PTK7: variants seen among roughly 807,000 people sequenced by gnomAD.
PTK7 encodes the protein inactive tyrosine-protein kinase 7.
Under a neutral mutation model 116.6 loss-of-function variants are expected in PTK7, and 39 were observed. That is an observed-to-expected ratio of 0.33 (90% CI 0.26 to 0.44). The LOEUF (loss-of-function observed/expected upper bound fraction) is 0.44, where lower values mean the gene tolerates loss of function less well. Among genes scored for constraint, PTK7 ranks in the 20% least tolerant of loss-of-function variants. The pLI is 1.00. For synonymous variants in PTK7, 546 were observed against 563.6 expected (o/e 0.97, Z 0.44); for missense variants, 1,169 against 1,425.6 (o/e 0.82, Z 2.90).
At chr6:43,153,690 C>G (rs1771259636) in intron 17 of PTK7, among the ~76,000 whole-genome samples, 1 of 152,096 alleles carries the variant, frequency 6.6e-6, no homozygotes, top group Non-Finnish European at 1.5e-5. Flanking sequence ...GAATTACAGG[C>G]CAGCAATAGC....
chr6:43,108,589 A>G (rs897895044), intron 1 of PTK7, among the ~76,000 whole-genome samples: 1 of 151,614 alleles, frequency 6.6e-6, no homozygotes, highest in South Asian at 2.1e-4. Flanking sequence ...TTTTGTAGAG[A>G]CGGGGTTTTA....
chr6:43,112,286 A>AGAGGGACAGAGG (rs1768236397), intron 1 of PTK7, among the ~76,000 whole-genome samples: 1 of 149,956 alleles, frequency 6.7e-6, no homozygotes, highest in South Asian at 2.1e-4. Context: ...TTATTTATTT[A>AGAGGGACAGAGG]GAGACGTAGT....
chr6:43,126,918 C>T (rs1329683381), intron 1 of PTK7, among the ~76,000 whole-genome samples: 1 of 152,208 alleles, frequency 6.6e-6, no homozygotes. Context: ...GGAGCTGCTT[C>T]CAGCTCCATG....
At chr6:43,094,942 G>T (rs1767158984) in intron 1 of PTK7, among the ~76,000 whole-genome samples, 1 of 151,848 alleles carries the variant, frequency 6.6e-6, no homozygotes, top group Non-Finnish European at 1.5e-5. Flanking sequence ...CTACTTGGGA[G>T]GCTGAGATAG....
At chr6:43,107,430 G>C (rs1028458547) in intron 1 of PTK7, among the ~76,000 whole-genome samples, 5 of 152,124 alleles carry the variant, frequency 3.3e-5, no homozygotes, top group East Asian at 1.9e-4. Flanking sequence ...TCTTTGTCTC[G>C]TTTCCTTATC....
intron 1 of PTK7, among the ~76,000 whole-genome samples, chr6:43,117,934 C>CAA (rs59457900): frequency 6.0e-5 from 7 of 116,694 alleles, no homozygotes; most frequent in African/African-American, 1.9e-4. Flanking sequence ...AAACTCTGTC[C>CAA]AAAAAAAAAA....
chr6:43,144,722 G>A, intron 15 of PTK7, 116 bp downstream of exon 15: 3 of 1,293,298 alleles, frequency 2.3e-6, no homozygotes, highest in Admixed American at 5.1e-5. Flanking sequence ...TAGAGGTGGA[G>A]GGAAGCATAG....
chr6:43,142,207 A>G lies in PTK7; in HGVS notation c.1955A>G (p.His652Arg), dbSNP rs1770459843. 1.2e-6 allele frequency: 2 copies of G among 1,614,034 alleles called. No individual in the cohort carries two copies. Among genetic ancestry groups the G allele is most frequent in the Non-Finnish European group, 1.7e-6 (2 of 1,180,012 alleles). ...TTCCAGAATGGCTCCCTGGTGATCC[A>G]TGACGTGGCCCCTGAGGACTCAGGC... is the stretch of plus-strand genomic sequence containing the variant. ...HIFQNGSLVI[H>R]DVAPEDSGRY... The change falls in exon 13 of 20, where the codon CAT (histidine) becomes CGT (arginine). Residue 652 changes from histidine to arginine, a missense_variant. Around this residue, in one of 3 missense-constraint regions of PTK7, gnomAD observed 678 missense variants for 853.8 expected, o/e 0.79. Transcript: ENST00000230419.
At chr6:43,118,749 A>ATGTGTG (rs58128834) in intron 1 of PTK7, among the ~76,000 whole-genome samples, 4 of 118,758 alleles carry the variant, frequency 3.4e-5, no homozygotes, top group South Asian at 2.6e-4. Flanking sequence ...ATGTGTGTGT[A>ATGTGTG]TGTGTGTGTG....
At position 43,143,679 on chromosome 6, in the gene PTK7, G is replaced by T. The variant is rs368894743; in HGVS notation, c.2251+59G>T. The T allele has an allele frequency of 1.9e-6, 3 of 1,543,214 alleles. No homozygotes were observed. The Admixed American group carries it at 5.8e-5, about 30-fold the overall frequency. ...GTGCGGGAGCTGAGCGCCCTCCCGC[G>T]GCCACGGAGGGGAGAGCGCCAGCAC... On this transcript the variant is annotated intron_variant, in intron 14 of 19. Coordinates refer to ENST00000230419, the MANE Select transcript of PTK7 (RefSeq NM_002821.5). The surrounding 1 kb of genome is among the most constrained non-coding windows in gnomAD (Gnocchi z 4.2).
intron 1 of PTK7, among the ~76,000 whole-genome samples, chr6:43,098,500 C>G (rs1175135792): frequency 6.6e-6 from 1 of 151,784 alleles, no homozygotes; most frequent in Admixed American, 6.6e-5. Flanking sequence ...GGATTACAGG[C>G]GCCTGCCACC....
chr6:43,129,195 C>T lies in PTK7; in HGVS notation c.298C>T (p.Gln100Ter). 4 of 1,614,186 alleles carry T rather than the reference C, an allele frequency of 2.5e-6. No individual in the cohort carries two copies. The highest frequency in any genetic ancestry group is 3.4e-6 in the Non-Finnish European group (4 of 1,180,046). ...CCGGCTGCAGGACTCTGGCACCTTC[C>T]AGTGTGTGGCTCGGGATGATGTCAC... ...VDRLQDSGTF[Q>*]CVARDDVTGE... Residue 100 changes from glutamine to a stop codon, truncating the protein, a stop_gained, in exon 2 of 20, where the codon CAG becomes TAG. Coordinates refer to ENST00000230419, the MANE Select transcript of PTK7 (RefSeq NM_002821.5). LOFTEE classifies it high-confidence loss of function. The surrounding 1 kb of genome is among the most constrained non-coding windows in gnomAD (Gnocchi z 4.5).
chr6:43,141,593 T>G lies in PTK7; in HGVS notation c.1619-75T>G. 6.6e-7 allele frequency: 1 copy of G among 1,512,486 alleles called. No individual in the cohort carries two copies. Among genetic ancestry groups the G allele is most frequent in the South Asian group, 1.2e-5 (1 of 82,750 alleles). 93.7% of individuals were successfully genotyped at this position (1,512,486 alleles called of 1,614,324 possible). On this transcript the variant is annotated intron_variant, in intron 10 of 19. Transcript: ENST00000230419. This position sits in a 1 kb window ranked among gnomAD's most constrained non-coding sequence, Gnocchi z 4.9. ...GCGATGGTGTGTTTTTGAGTAGAGG[T>G]GAGGGACTGAAGGCATTGCCAGCTG... is the stretch of plus-strand genomic sequence containing the variant.
intron 1 of PTK7, among the ~76,000 whole-genome samples, chr6:43,106,800 C>T (rs1190879957): frequency 6.6e-6 from 1 of 151,160 alleles, no homozygotes; most frequent in African/African-American, 2.4e-5. Flanking sequence ...ATTTTTAGTA[C>T]AGACGGGGTT....
At chr6:43,106,740 G>A (rs1313399148) in intron 1 of PTK7, among the ~76,000 whole-genome samples, 1 of 139,540 alleles carries the variant, frequency 7.2e-6, no homozygotes, top group Admixed American at 7.7e-5. Context: ...GGCAACCTCG[G>A]CCTCCCAAGT....
chr6:43,105,264 T>C (rs1309749698), intron 1 of PTK7, among the ~76,000 whole-genome samples: 2 of 148,042 alleles, frequency 1.4e-5, no homozygotes, highest in African/African-American at 5.0e-5. Context: ...GTACAGAGAA[T>C]AAGAATATTC....
At chr6:43,104,804 A>C (rs1353612935) in intron 1 of PTK7, among the ~76,000 whole-genome samples, 1 of 139,974 alleles carries the variant, frequency 7.1e-6, no homozygotes, top group Admixed American at 7.3e-5. Flanking sequence ...GTAAATTAGC[A>C]CAACTTTTTT....
At chr6:43,119,264 GT>G (rs2150413732) in intron 1 of PTK7, among the ~76,000 whole-genome samples, 1 of 152,242 alleles carries the variant, frequency 6.6e-6, no homozygotes, top group East Asian at 1.9e-4. Context: ...TGGATTATTA[GT>G]CTCCTAGGCG....
chr6:43,083,781 C>T (rs781450410), intron 1 of PTK7, among the ~76,000 whole-genome samples: 186 of 152,310 alleles, frequency 1.2e-3, no homozygotes, highest in Middle Eastern at 0.01. Context: ...CTGCAGATCC[C>T]AAGCCCCTGT....
Sources: gnomAD v4.1 joint callset for allele counts (sites outside exome capture counted in the v4.1 genomes callset) on GRCh38, gnomAD v4.1.1 for gene constraint, gnomAD v4.1.1 regional missense constraint, Gnocchi (gnomAD v3.1) non-coding constraint, MANE v1.5 for transcripts, NCBI Gene and HGNC (gene_info 2026-07-23, HGNC 2026-07-21) for gene names.